Variants in ITPR1 observed in about 807,000 individuals in gnomAD.
ITPR1 encodes inositol 1,4,5-trisphosphate receptor type 1, also known as inositol 1,4,5-trisphosphate-gated calcium channel ITPR1.
Under a neutral mutation model 318.4 loss-of-function variants are expected in ITPR1, and 96 were observed. The observed-to-expected ratio is 0.30, with a 90% CI of 0.26 to 0.36. ITPR1 has a LOEUF of 0.36. ITPR1 is among the 10% of genes least tolerant of loss of function. The pLI is 1.00. For missense variants in ITPR1, 2,440 were observed against 3,460.2 expected, an observed-to-expected ratio of 0.71 and a Z score of 7.40; for synonymous variants, 1,312 against 1,289.9, an observed-to-expected ratio of 1.02 and a Z score of -0.37.
Position 4,683,675 on chromosome 3 carries a change from C to T in ITPR1, c.3375C>T (p.Ile1125=). ...AAGATGTGGACAACTACAAACAGAT[C>T]AAACAAGACTTGGATCAACTGAGGT... ...TSQDVDNYKQ[I]KQDLDQLRSI... Residue 1125 remains isoleucine (I), a synonymous_variant, in exon 28 of 62, where the codon ATC becomes ATT. Transcript: ENST00000649015. 1 of 1,614,044 alleles carries T rather than the reference C, an allele frequency of 6.2e-7. No homozygotes were observed. The highest frequency in any genetic ancestry group is 8.5e-7 in the Non-Finnish European group (1 of 1,179,896).
chr3:4,626,964 G>A (rs1232335161), intron 4 of ITPR1, among the ~76,000 whole-genome samples: 6 of 152,014 alleles, frequency 3.9e-5, no homozygotes, highest in Non-Finnish European at 8.8e-5. Flanking sequence ...GATTACAGGC[G>A]CGTACCACTA....
chr3:4,814,603 G>GT (rs1559944095), intron 58 of ITPR1, 41 bp downstream of exon 58: 5 of 1,246,888 alleles, frequency 4.0e-6, no homozygotes, highest in East Asian at 2.8e-5. Context: ...AAGGGGGCGG[G>GT]TGGGGTGGTT....
chr3:4,804,199 C>A (rs1267444149), intron 54 of ITPR1, among the ~76,000 whole-genome samples: 1 of 152,106 alleles, frequency 6.6e-6, no homozygotes, highest in Non-Finnish European at 1.5e-5. Flanking sequence ...GAGAGAAACA[C>A]CCACATGGAA....
intron 26 of ITPR1, 62 bp downstream of exon 26, chr3:4,681,480 C>A (rs2094296939): frequency 8.9e-7 from 1 of 1,126,260 alleles, no homozygotes; most frequent in Non-Finnish European, 1.4e-6. Flanking sequence ...TCTCAGAGGC[C>A]TTCCCTTTAT....
chr3:4,828,317 T>A lies in ITPR1; in HGVS notation c.8029-8457T>A, dbSNP rs538831018. Among the ~76,000 whole-genome samples the A allele has an allele frequency of 2.6e-5, 4 of 152,268 alleles. No homozygotes were observed. In the East Asian group the frequency reaches 7.7e-4, roughly 29 times the overall value. ...TGCTAAAATCCTCATACATAGCCAC[T>A]GGGAATGTTCTGGCATATTTCTTAG... is the stretch of plus-strand genomic sequence containing the variant. On this transcript the variant is annotated intron_variant, in intron 60 of 61. Transcript: ENST00000649015.
intron 56 of ITPR1, among the ~76,000 whole-genome samples, chr3:4,812,884 G>A (rs1475987425): frequency 2.0e-5 from 3 of 152,192 alleles, no homozygotes; most frequent in South Asian, 2.1e-4. Flanking sequence ...AGTTTCAGCT[G>A]TTTGTCTTTA....
At chr3:4,705,379 C>G (rs1574943445) in intron 36 of ITPR1, among the ~76,000 whole-genome samples, 1 of 152,352 alleles carries the variant, frequency 6.6e-6, no homozygotes, top group Non-Finnish European at 1.5e-5. Context: ...GAAACTGACA[C>G]TGGTACAGTG....
At chr3:4,755,473 A>G in intron 44 of ITPR1, among the ~76,000 whole-genome samples, 1 of 151,782 alleles carries the variant, frequency 6.6e-6, no homozygotes, top group East Asian at 1.9e-4. Flanking sequence ...TCCTGGGCTC[A>G]AGCAGTCCTT....
intron 40 of ITPR1, among the ~76,000 whole-genome samples, chr3:4,720,893 A>C (rs887262074): frequency 6.6e-6 from 1 of 151,966 alleles, no homozygotes; most frequent in Non-Finnish European, 1.5e-5. Flanking sequence ...TACTTTTTAC[A>C]TTGCTGTGAA....
chr3:4,824,022 G>C (rs995473931), intron 60 of ITPR1, among the ~76,000 whole-genome samples: 2 of 152,170 alleles, frequency 1.3e-5, no homozygotes, highest in South Asian at 4.1e-4. Context: ...TGATCAGATA[G>C]AACACTGTCC....
At chr3:4,551,463 A>G (rs1378216566) in intron 4 of ITPR1, among the ~76,000 whole-genome samples, 1 of 152,220 alleles carries the variant, frequency 6.6e-6, no homozygotes, top group Non-Finnish European at 1.5e-5. Flanking sequence ...AGATCTTTCT[A>G]ATCTCTCAGC....
At chr3:4,641,632 T>C (rs545469009) in intron 6 of ITPR1, among the ~76,000 whole-genome samples, 2 of 152,316 alleles carry the variant, frequency 1.3e-5, no homozygotes, top group African/African-American at 4.8e-5. Flanking sequence ...TGCCTCTGCC[T>C]CCCGAAGTGC....
intron 24 of ITPR1, among the ~76,000 whole-genome samples, chr3:4,677,428 A>G (rs1219881595): frequency 2.6e-5 from 4 of 152,196 alleles, no homozygotes; most frequent in African/African-American, 9.7e-5. Flanking sequence ...TGGTGAGGTT[A>G]TCAGAGAAGG....
intron 4 of ITPR1, among the ~76,000 whole-genome samples, chr3:4,527,999 C>T (rs1242069203): frequency 6.6e-6 from 1 of 152,172 alleles, no homozygotes; most frequent in Non-Finnish European, 1.5e-5. Context: ...ATTTTTCATG[C>T]TTGAGTGATA....
At chr3:4,749,838 CT>C (rs2044371214) in intron 44 of ITPR1, 1 of 152,710 alleles carries the variant, frequency 6.5e-6, no homozygotes, top group Admixed American at 6.5e-5. Flanking sequence ...TTAACCACCC[CT>C]AACAAAGACA....
rs76459180 is a variant in ITPR1 at position 4,554,049 on chromosome 3, C to T, written c.163+32955C>T. Among the ~76,000 whole-genome samples, 1,006 of 152,292 alleles carry T rather than the reference C, an allele frequency of 6.6e-3. 13 individuals are homozygous for T. The highest frequency in any genetic ancestry group is 0.064 in the East Asian group (331 of 5,170). On this transcript the variant is annotated intron_variant, in intron 4 of 61. Transcript: ENST00000649015. ...TGAGCCACCGCGCCCAGCCTTACTA[C>T]TATTATTAATTTTAAAAAGAACCTT... is the stretch of plus-strand genomic sequence containing the variant.
rs369677051 is a variant in ITPR1 at position 4,710,297 on chromosome 3, G to T, written c.4843-28G>T. 4.0e-6 allele frequency: 6 copies of T among 1,516,804 alleles called. No homozygotes were observed. Among genetic ancestry groups the T allele is most frequent in the Non-Finnish European group, 5.3e-6 (6 of 1,123,824 alleles). 94.0% of individuals were successfully genotyped at this position (1,516,804 alleles called of 1,614,324 possible). A position where few individuals can be genotyped will look rare whatever the true frequency, so the allele number is the denominator to read the frequency against. On this transcript the variant is annotated intron_variant, in intron 37 of 61. Coordinates refer to ENST00000649015, the MANE Select transcript of ITPR1 (RefSeq NM_001378452.1). This position sits in a 1 kb window ranked among gnomAD's most constrained non-coding sequence, Gnocchi z 4.2. ...CCTGTGGTCAGCGTCTGCCTGAGCCGTTGACTGAGGCTGTGTTTCCGTTTT... is the reference window on the plus strand; with the variant it reads ...CCTGTGGTCAGCGTCTGCCTGAGCCTTTGACTGAGGCTGTGTTTCCGTTTT...
At chr3:4,677,198 A>C (rs909540112) in intron 24 of ITPR1, among the ~76,000 whole-genome samples, 2 of 151,492 alleles carry the variant, frequency 1.3e-5, no homozygotes, top group East Asian at 3.9e-4. Flanking sequence ...TCATTCAATC[A>C]ACAAATATTT....
At chr3:4,830,330 T>A (rs894356912) in intron 60 of ITPR1, among the ~76,000 whole-genome samples, 2 of 149,448 alleles carry the variant, frequency 1.3e-5, no homozygotes, top group African/African-American at 2.6e-5. Context: ...AAGATGACTA[T>A]TTTTTCACCA....
Sources: allele counts gnomAD v4.1 joint callset (sites outside exome capture counted in the v4.1 genomes callset), GRCh38; gene constraint gnomAD v4.1.1; non-coding constraint Gnocchi (gnomAD v3.1); transcripts MANE v1.5; gene names NCBI Gene and HGNC (gene_info 2026-07-23, HGNC 2026-07-21).